Variants in CRABP2 observed in about 807,000 individuals in gnomAD.
CRABP2 encodes cellular retinoic acid binding protein 2.
In CRABP2, 20 loss-of-function variants were observed where a neutral mutation model predicts 17.9. The observed-to-expected ratio is 1.12, with a 90% CI of 0.79 to 1.63. The LOEUF is 1.63. Among genes scored for constraint, CRABP2 ranks in the 40% most tolerant of loss-of-function variants. The probability of loss-of-function intolerance (pLI) is 0.00; values close to 1 mark genes in which losing one functional copy is unlikely to be tolerated. For synonymous variants in CRABP2, 76 were observed against 66.4 expected (o/e 1.14, Z -0.70); for missense variants, 151 against 168.6 (o/e 0.90, Z 0.58).
At chr1:156,701,776 T>A (rs953787864) in intron 1 of CRABP2, among the ~76,000 whole-genome samples, 1 of 152,126 alleles carries the variant, frequency 6.6e-6, no homozygotes, top group African/African-American at 2.4e-5. Context: ...TGGGTGACCC[T>A]GAGCAAATGG....
At chr1:156,702,803 G>T (rs1648078960) in intron 1 of CRABP2, among the ~76,000 whole-genome samples, 1 of 149,280 alleles carries the variant, frequency 6.7e-6, no homozygotes, top group Non-Finnish European at 1.5e-5. Context: ...AGCCAATTGG[G>T]ATGGTATGTG....
chr1:156,705,547 C>G lies in CRABP2; in HGVS notation c.-101G>C, dbSNP rs1648171109. On this transcript the variant is annotated 5_prime_UTR_variant, in exon 1 of 4. Coordinates refer to ENST00000368222, the MANE Select transcript of CRABP2 (RefSeq NM_001878.4). The surrounding 1 kb of genome is among the most constrained non-coding windows in gnomAD (Gnocchi z 5.2). ...GTCGCCGTCGCCGGGTCGTCAGGTT[C>G]TGGAACCAAGACAAGTCCAGGGACA... 7.4e-7 allele frequency: 1 copy of G among 1,358,628 alleles called. No homozygotes were observed. Among genetic ancestry groups the G allele is most frequent in the South Asian group, 1.2e-5 (1 of 84,850 alleles). The allele number at this position is 1,358,628 out of a possible 1,614,324, so 84.2% of individuals were successfully genotyped here.
chr1:156,700,799 C>T, intron 2 of CRABP2, 75 bp downstream of exon 2: 3 of 1,567,896 alleles, frequency 1.9e-6, no homozygotes, highest in Non-Finnish European at 2.6e-6. Context: ...TAGGAGTTAA[C>T]TGCTAGCCTG....
In CRABP2 at chr1:156,705,490, G is replaced by A. The variant is rs1463264431; in HGVS notation, c.-44C>T. ...GGTCCCCGTAGACTCCTAGGCTGGA[G>A]CACTGGACACTGTCTTTTAGTCAAA... On this transcript the variant is annotated 5_prime_UTR_variant, in exon 1 of 4. Coordinates refer to ENST00000368222, the MANE Select transcript of CRABP2 (RefSeq NM_001878.4). The surrounding 1 kb of genome is among the most constrained non-coding windows in gnomAD (Gnocchi z 5.2). 1 of 1,599,554 alleles carries A rather than the reference G, an allele frequency of 6.3e-7. No individual in the cohort carries two copies. Among genetic ancestry groups the A allele is most frequent in the Non-Finnish European group, 8.6e-7 (1 of 1,167,724 alleles).
chr1:156,700,919 A>T lies in CRABP2; in HGVS notation c.204T>A (p.Val68=). The stretch of plus-strand genomic sequence containing the variant: ...CAGTCTGCTCCTCAAACTCCTCCCC[A>T]ACCTTGAAGTTAATCTCTGTGGTGC... The part of the protein sequence containing the change: ...TVRTTEINFK[V]GEEFEEQTVD... Residue 68 remains valine, a synonymous_variant, in exon 2 of 4, where the codon GTT becomes GTA. Coordinates refer to ENST00000368222, the MANE Select transcript of CRABP2 (RefSeq NM_001878.4). 1 of 1,614,022 alleles carries T rather than the reference A, an allele frequency of 6.2e-7. No individual in the cohort carries two copies. Among genetic ancestry groups the T allele is most frequent in the Non-Finnish European group, 8.5e-7 (1 of 1,179,960 alleles).
intron 1 of CRABP2, among the ~76,000 whole-genome samples, chr1:156,702,005 C>CAGTT (rs1455198181): frequency 2.0e-5 from 3 of 151,012 alleles, no homozygotes; most frequent in Admixed American, 6.6e-5. Flanking sequence ...GGGCTGGACG[C>CAGTT]AGTTGCTCAC....
chr1:156,699,984 T>A lies in CRABP2; in HGVS notation c.*42A>T, dbSNP rs1397192838. On this transcript the variant is annotated 3_prime_UTR_variant, in exon 4 of 4. Transcript: ENST00000368222. ...GGGCAGTGAAGCAGGGCGGTGAGCA[T>A]GGCCAGTGGTGGGCTTCGGCCGCGG... 3.1e-6 allele frequency: 5 copies of A among 1,600,116 alleles called. No individual in the cohort carries two copies. In the African/African-American group the frequency reaches 6.7e-5, roughly 21 times the overall value.
rs112819530 is a variant in CRABP2 at position 156,701,054 on chromosome 1, T to G, written c.71-2A>C. Reference sequence around the variant, plus strand: ...TCTTCCTCAGCATCACATTCACCCCTGTGGGGAGAGAGGAGAGGCTCACCT... The same window carrying G: ...TCTTCCTCAGCATCACATTCACCCCGGTGGGGAGAGAGGAGAGGCTCACCT... On this transcript the variant is annotated splice_acceptor_variant, in intron 1 of 3. Coordinates refer to ENST00000368222, the MANE Select transcript of CRABP2 (RefSeq NM_001878.4). LOFTEE classifies it high-confidence loss of function. 4.3e-6 allele frequency: 7 copies of G among 1,613,606 alleles called. No homozygotes were observed. The Admixed American group carries it at 5.0e-5, about 12-fold the overall frequency.
At position 156,705,399 on chromosome 1, in the gene CRABP2, G is replaced by C. The variant is rs761911054; in HGVS notation, c.48C>G (p.Phe16Leu). Residue 16 changes from phenylalanine (F) to leucine (L), a missense_variant, in exon 1 of 4, where the codon TTC (phenylalanine) becomes TTG (leucine). Physicochemically the swap from Phe to Leu is conservative, Grantham distance 22 (BLOSUM62 0). Transcript: ENST00000368222. The surrounding 1 kb of genome is among the most constrained non-coding windows in gnomAD (Gnocchi z 5.2). The part of the protein sequence containing the change: ...GNWKIIRSEN[F>L]EELLKVLGVN... ...TACCCAGCACTTTGAGCAATTCCTC[G>C]AAGTTTTCCGATCGGATGATTTTCC... The C allele has an allele frequency of 1.9e-6, 3 of 1,614,180 alleles. No individual in the cohort carries two copies. Among genetic ancestry groups the C allele is most frequent in the South Asian group, 2.2e-5 (2 of 91,084 alleles).
At chr1:156,702,074 C>G (rs1028476038) in intron 1 of CRABP2, among the ~76,000 whole-genome samples, 1 of 151,932 alleles carries the variant, frequency 6.6e-6, no homozygotes, top group Non-Finnish European at 1.5e-5. Context: ...TTGCTTGAAC[C>G]CGGGAGGCGG....
At chr1:156,704,853 G>A (rs1648146353) in intron 1 of CRABP2, among the ~76,000 whole-genome samples, 1 of 152,018 alleles carries the variant, frequency 6.6e-6, no homozygotes, top group Non-Finnish European at 1.5e-5. Context: ...GGGGCTCAGG[G>A]GGCGCTGGGG....
intron 2 of CRABP2, 40 bp downstream of exon 2, chr1:156,700,834 G>A (rs780086528): frequency 6.3e-7 from 1 of 1,597,642 alleles, no homozygotes; most frequent in East Asian, 2.2e-5. Context: ...GAGAGGCAGG[G>A]CAATGACGCC....
rs150091262 is a variant in CRABP2, at chr1:156,700,958, G to A, written c.165C>T (p.Thr55=). The A allele has an allele frequency of 2.7e-4, 436 of 1,614,168 alleles. 3 individuals are homozygous for A. The African/African-American group carries it at 5.3e-3, about 19-fold the overall frequency. The stretch of plus-strand genomic sequence containing the variant: ...TCTCTGTGGTGCGCACGGTGGTGGA[G>A]GTTTTGATGTAGAAAGTGTCTCCCT... The part of the protein sequence containing the change: ...KQEGDTFYIK[T]STTVRTTEIN... Residue 55 remains threonine, a synonymous_variant, in exon 2 of 4, where the codon ACC becomes ACT. Transcript: ENST00000368222.
chr1:156,700,568 G>T lies in CRABP2; in HGVS notation c.340C>A (p.Leu114Met). ...AGGATCAGTTCCCCATCGTTGGTCA[G>T]TTCTCTGGTCCACGAGGTCTTGGGG... ...EGPKTSWTRE[L>M]TNDGELILTM... The change falls in exon 3 of 4, where the codon CTG becomes ATG. Residue 114 changes from leucine (L) to methionine (M), a missense_variant. Physicochemically the swap from Leu to Met is conservative, Grantham distance 15. Coordinates refer to ENST00000368222, the MANE Select transcript of CRABP2 (RefSeq NM_001878.4). The T allele has an allele frequency of 6.2e-7, 1 of 1,614,106 alleles. No individual in the cohort carries two copies. The highest frequency in any genetic ancestry group is 8.5e-7 in the Non-Finnish European group (1 of 1,179,952).
At chr1:156,701,800 A>G (rs1307239236) in intron 1 of CRABP2, among the ~76,000 whole-genome samples, 2 of 152,118 alleles carry the variant, frequency 1.3e-5, no homozygotes, top group African/African-American at 4.8e-5. Context: ...AACCACCCTG[A>G]GCCTTAGATT....
At chr1:156,704,338 C>A (rs34524262) in intron 1 of CRABP2, among the ~76,000 whole-genome samples, 1 of 152,124 alleles carries the variant, frequency 6.6e-6, no homozygotes, top group Non-Finnish European at 1.5e-5. Flanking sequence ...AGAGGGGTGC[C>A]TTCCCTCCCT....
chr1:156,703,150 AC>A (rs1377139218), intron 1 of CRABP2, among the ~76,000 whole-genome samples: 1 of 151,794 alleles, frequency 6.6e-6, no homozygotes, highest in Admixed American at 6.6e-5. Context: ...CCTCAAGGGA[AC>A]CCCCTCTGCT....
intron 2 of CRABP2, 24 bp from the exon 3 acceptor site, chr1:156,700,682 GAGCTGGGCCCAT>G: frequency 6.3e-7 from 1 of 1,598,896 alleles, no homozygotes; most frequent in Non-Finnish European, 8.6e-7. Flanking sequence ...GTGGCCAAGT[GAGCTGGGCCCAT>G]AGCAGGGGCA....
chr1:156,701,051 C>G lies in CRABP2; in HGVS notation c.72G>C (p.Gly24=), dbSNP rs776191465. The change falls in exon 2 of 4, where the codon GGG becomes GGC. Residue 24 remains glycine (G), a splice_region_variant and synonymous_variant. Coordinates refer to ENST00000368222, the MANE Select transcript of CRABP2 (RefSeq NM_001878.4). The stretch of plus-strand genomic sequence containing the variant: ...CAATCTTCCTCAGCATCACATTCAC[C>G]CCTGTGGGGAGAGAGGAGAGGCTCA... ...ENFEELLKVL[G]VNVMLRKIAV... 1 of 1,613,882 alleles carries G rather than the reference C, an allele frequency of 6.2e-7. No homozygotes were observed. The highest frequency in any genetic ancestry group is 8.5e-7 in the Non-Finnish European group (1 of 1,179,872).
Sources: allele counts gnomAD v4.1 joint callset (sites outside exome capture counted in the v4.1 genomes callset), GRCh38; gene constraint gnomAD v4.1.1; non-coding constraint Gnocchi (gnomAD v3.1); transcripts MANE v1.5; gene names NCBI Gene and HGNC (gene_info 2026-07-23, HGNC 2026-07-21).